The following ARID1A variants were observed in gnomAD, a reference collection of about 807,000 sequenced individuals.
ARID1A encodes AT-rich interactive domain-containing protein 1A.
Under a neutral mutation model 212.6 loss-of-function variants are expected in ARID1A, and 20 were observed. The ratio of observed to expected loss-of-function variants is 0.09; its 90% confidence interval spans 0.07 to 0.14. The LOEUF (loss-of-function observed/expected upper bound fraction) is 0.14. Ranked by LOEUF, ARID1A falls within the 10% of genes least tolerant of loss-of-function variation. The pLI is 1.00. For synonymous variants in ARID1A, 1,376 were observed against 1,222.1 expected, an observed-to-expected ratio of 1.13 and a Z score of -2.63; for missense variants, 2,587 against 3,059.0, an observed-to-expected ratio of 0.85 and a Z score of 3.64.
At position 26,779,587 on chromosome 1, in the gene ARID1A, C is replaced by A. The variant is rs557936244; in HGVS notation, c.5689C>A (p.Pro1897Thr). 6.2e-7 allele frequency: 1 copy of A among 1,614,090 alleles called. No individual in the cohort carries two copies. The highest frequency in any genetic ancestry group is 1.3e-5 in the African/African-American group (1 of 74,992). ...GTPGTTDQEG[P>T]PPDGPPEKRI... ...ACCAGGGACAACAGACCAGGAGGGG[C>A]CCCCACCTGATGGACCTCCAGAAAA... Residue 1897 changes from proline (P) to threonine (T), a missense_variant, in exon 20 of 20, where the codon CCC becomes ACC. Transcript: ENST00000324856.
intron 1 of ARID1A, among the ~76,000 whole-genome samples, chr1:26,717,896 G>T (rs1030211155): frequency 1.3e-5 from 2 of 152,192 alleles, no homozygotes; most frequent in African/African-American, 4.8e-5. Flanking sequence ...AAGGATCTAT[G>T]AATACAAAGG....
chr1:26,781,594 G>A lies in ARID1A; in HGVS notation c.*838G>A. The A allele has an allele frequency of 4.3e-6, 1 of 233,666 alleles. No individual in the cohort carries two copies. Among genetic ancestry groups the A allele is most frequent in the Non-Finnish European group, 8.5e-6 (1 of 118,040 alleles). 14.5% of individuals were successfully genotyped at this position (233,666 alleles called of 1,614,324 possible). A position where few individuals can be genotyped will look rare whatever the true frequency, so the allele number is the denominator to read the frequency against. The stretch of plus-strand genomic sequence containing the variant: ...CTGGTTTTAACCTTTAGCTGCAGCG[G>A]CTACGCTGCCACGTGTGTATATATA... On this transcript the variant is annotated 3_prime_UTR_variant, in exon 20 of 20. Transcript: ENST00000324856.
chr1:26,749,629 A>G (rs756203093), intron 4 of ARID1A, among the ~76,000 whole-genome samples: 1 of 152,156 alleles, frequency 6.6e-6, no homozygotes, highest in Non-Finnish European at 1.5e-5. Flanking sequence ...ACCTGCCTCA[A>G]GAGATTTTGC....
In ARID1A at chr1:26,763,240, A is replaced by C; in HGVS notation, c.2687A>C (p.Glu896Ala). Residue 896 changes from glutamate (E) to alanine (A), a missense_variant, in exon 8 of 20, where the codon GAA (glutamate) becomes GCA (alanine). By Grantham distance (107) the Glu-to-Ala change is moderately radical. Coordinates refer to ENST00000324856, the MANE Select transcript of ARID1A (RefSeq NM_006015.6). ...GGGGGCATGAACCGGAAAACCCAAG[A>C]AACTGCTGTCGCCATGCATGTTGCT... ...PPGGMNRKTQ[E>A]TAVAMHVAAN... 1.2e-6 allele frequency: 2 copies of C among 1,613,248 alleles called. No homozygotes were observed. The highest frequency in any genetic ancestry group is 1.7e-6 in the Non-Finnish European group (2 of 1,179,322).
At chr1:26,718,153 T>G (rs2080521313) in intron 1 of ARID1A, among the ~76,000 whole-genome samples, 1 of 152,164 alleles carries the variant, frequency 6.6e-6, no homozygotes. Context: ...TTTTGTATTT[T>G]TAGTAGAGAC....
chr1:26,718,685 G>A (rs2080528297), intron 1 of ARID1A, among the ~76,000 whole-genome samples: 1 of 152,086 alleles, frequency 6.6e-6, no homozygotes, highest in Non-Finnish European at 1.5e-5. Context: ...TAGTTGTTAT[G>A]CTATATTGTT....
At chr1:26,721,915 T>A (rs140692538) in intron 1 of ARID1A, among the ~76,000 whole-genome samples, 1 of 152,310 alleles carries the variant, frequency 6.6e-6, no homozygotes, top group East Asian at 1.9e-4. Flanking sequence ...TTTTGCTACA[T>A]GATTCAATGA....
At chr1:26,760,816 C>T (rs2124053285) in intron 4 of ARID1A, 40 bp from the exon 5 acceptor site, 3 of 1,569,974 alleles carry the variant, frequency 1.9e-6, no homozygotes, top group Non-Finnish European at 2.6e-6. Context: ...AATCTTTCTG[C>T]CTAATATTAC....
At chr1:26,735,910 A>G (rs2080724737) in intron 4 of ARID1A, among the ~76,000 whole-genome samples, 1 of 152,162 alleles carries the variant, frequency 6.6e-6, no homozygotes, top group South Asian at 2.1e-4. Context: ...CCTCCTGTTC[A>G]TCTTTCAGAC....
At chr1:26,721,976 C>A (rs752802389) in intron 1 of ARID1A, among the ~76,000 whole-genome samples, 24 of 152,166 alleles carry the variant, frequency 1.6e-4, no homozygotes, top group Admixed American at 3.3e-4. Flanking sequence ...TTTCTCTTAT[C>A]TTCTGGTCTG....
At position 26,731,609 on chromosome 1, in the gene ARID1A, G is replaced by C. The variant is rs2080678743; in HGVS notation, c.1803+5G>C. ...CAGCGCTTCCCTCCACCGCAGGTAAGATATCCCTGCCTCCTGCCCTTCCCT... is the reference window on the plus strand; with the variant it reads ...CAGCGCTTCCCTCCACCGCAGGTAACATATCCCTGCCTCCTGCCCTTCCCT... On this transcript the variant is annotated splice_donor_5th_base_variant and intron_variant, in intron 3 of 19. Coordinates refer to ENST00000324856, the MANE Select transcript of ARID1A (RefSeq NM_006015.6). 6.2e-7 allele frequency: 1 copy of C among 1,612,524 alleles called. No homozygotes were observed. The highest frequency in any genetic ancestry group is 8.5e-7 in the Non-Finnish European group (1 of 1,178,722).
intron 1 of ARID1A, among the ~76,000 whole-genome samples, chr1:26,720,374 G>A (rs1231834005): frequency 6.6e-6 from 1 of 151,888 alleles, no homozygotes; most frequent in African/African-American, 2.4e-5. Flanking sequence ...TAGGGTGACT[G>A]TGGCAGGAGA....
At chr1:26,773,314 A>G in intron 14 of ARID1A, 32 bp from the exon 15 acceptor site, 1 of 1,537,880 alleles carries the variant, frequency 6.5e-7, no homozygotes, top group Non-Finnish European at 8.7e-7. Flanking sequence ...TCAACTTACC[A>G]GTTTGTTCAC....
At chr1:26,759,245 T>C (rs1461168347) in intron 4 of ARID1A, among the ~76,000 whole-genome samples, 1 of 152,150 alleles carries the variant, frequency 6.6e-6, no homozygotes, top group Non-Finnish European at 1.5e-5. Context: ...CTCCGTTACC[T>C]ATGCTGGAGT....
intron 1 of ARID1A, among the ~76,000 whole-genome samples, chr1:26,699,120 CT>C (rs1485708862): frequency 6.6e-6 from 1 of 152,112 alleles, no homozygotes; most frequent in Non-Finnish European, 1.5e-5. Context: ...CATTTTAGAG[CT>C]TTGAAATAGA....
At chr1:26,733,109 C>T (rs575994702) in intron 4 of ARID1A, among the ~76,000 whole-genome samples, 1 of 152,148 alleles carries the variant, frequency 6.6e-6, no homozygotes, top group African/African-American at 2.4e-5. Flanking sequence ...ATATCAGTTT[C>T]TTGACTTTAC....
Position 26,779,304 on chromosome 1 carries a change from G to A in ARID1A, c.5406G>A (p.Glu1802=), listed in dbSNP as rs2124139014. The change falls in exon 20 of 20, where the codon GAG becomes GAA. Residue 1802 remains glutamate, a synonymous_variant. Transcript: ENST00000324856. Reference sequence around the variant, plus strand: ...ACAAGCCAGCTTCAGAGAATAGTGAGGAGAAGCTGATCAGTAAGTTTGACA... The same window carrying A: ...ACAAGCCAGCTTCAGAGAATAGTGAAGAGAAGCTGATCAGTAAGTTTGACA... ...GKDKPASENS[E]EKLISKFDKL... is the part of the protein sequence containing the mutation. 1 of 1,614,194 alleles carries A rather than the reference G, an allele frequency of 6.2e-7. No individual in the cohort carries two copies. Among genetic ancestry groups the A allele is most frequent in the Non-Finnish European group, 8.5e-7 (1 of 1,180,042 alleles).
chr1:26,778,617 T>A (rs537013575), intron 19 of ARID1A: 1 of 158,492 alleles, frequency 6.3e-6, no homozygotes, highest in South Asian at 2.0e-4. Context: ...TAAGTCACCA[T>A]GCCTAAGCTT....
chr1:26,727,486 T>C (rs1166207847), intron 1 of ARID1A, among the ~76,000 whole-genome samples: 1 of 152,236 alleles, frequency 6.6e-6, no homozygotes, highest in Non-Finnish European at 1.5e-5. Flanking sequence ...GAAAATGTTA[T>C]TGGCCAGTGC....
Sources: allele counts gnomAD v4.1 joint callset (sites outside exome capture counted in the v4.1 genomes callset), GRCh38; gene constraint gnomAD v4.1.1; transcripts MANE v1.5; gene names NCBI Gene and HGNC (gene_info 2026-07-23, HGNC 2026-07-21).